The following OTC variants were observed in gnomAD, a reference collection of about 807,000 sequenced individuals.
The protein encoded by OTC is ornithine transcarbamylase.
In OTC, 3 loss-of-function variants were observed where a neutral mutation model predicts 30.3. That is an observed-to-expected ratio of 0.10 (90% CI 0.05 to 0.26). OTC has a LOEUF of 0.26. Ranked by LOEUF, OTC falls within the 10% of genes least tolerant of loss-of-function variation. The probability of loss-of-function intolerance (pLI) is 1.00; values close to 1 mark genes in which losing one functional copy is unlikely to be tolerated. For synonymous variants in OTC, 111 were observed against 99.7 expected (o/e 1.11, Z -0.67); for missense variants, 194 against 260.3 (o/e 0.75, Z 1.75).
chrX:38,329,164 C>G, the OTC span, among the ~76,000 whole-genome samples: 1 of 111,645 alleles, frequency 9.0e-6, no homozygotes, highest in African/African-American at 3.3e-5. Context: ...CAGCCCTACT[C>G]CAAGGTTTCC....
chrX:38,411,364 G>GA (rs368378566), intron 8 of OTC, among the ~76,000 whole-genome samples: 177 of 56,499 alleles, frequency 3.1e-3, no homozygotes, highest in South Asian at 0.011. Context: ...AATTTAAAAA[G>GA]AAAAAAAAAA....
chrX:38,333,215 CAAAAAA>C, the OTC span, among the ~76,000 whole-genome samples: 27 of 47,179 alleles, frequency 5.7e-4, 1 homozygote, highest in South Asian at 0.032. Flanking sequence ...AACTCTGTCT[CAAAAAA>C]AAAAAAAAAA....
At chrX:38,391,535 GA>G (rs924786810) in intron 4 of OTC, among the ~76,000 whole-genome samples, 4 of 111,643 alleles carry the variant, frequency 3.6e-5, no homozygotes, top group African/African-American at 1.3e-4. Context: ...GTCTTGCTAT[GA>G]TTCTTCTCAT....
intron 4 of OTC, among the ~76,000 whole-genome samples, chrX:38,398,130 A>ACTCTCTTT (rs1479387514): frequency 8.9e-5 from 10 of 111,735 alleles, no homozygotes; most frequent in Non-Finnish European, 1.7e-4. Flanking sequence ...GGACTTGCTA[A>ACTCTCTTT]AGAGAGAAAA....
At chrX:38,392,840 A>G (rs2068435569) in intron 4 of OTC, among the ~76,000 whole-genome samples, 1 of 112,011 alleles carries the variant, frequency 8.9e-6, no homozygotes, top group South Asian at 3.7e-4. Flanking sequence ...TTTAACCTCC[A>G]AGGGGCTTTT....
At chrX:38,384,491 C>G (rs2068392287) in intron 4 of OTC, among the ~76,000 whole-genome samples, 2 of 112,343 alleles carry the variant, frequency 1.8e-5, no homozygotes, top group Admixed American at 1.9e-4. Context: ...TCCACAGATG[C>G]AATTGAATAG....
chrX:38,420,947 A>G, intron 9 of OTC, 76 bp from the exon 10 acceptor site: 121 of 693,108 alleles, frequency 1.7e-4, no homozygotes, highest in Non-Finnish European at 2.7e-4. Flanking sequence ...CTGAAACCTA[A>G]TTCACCTTCT....
chrX:38,369,898 A>G (rs776886047), intron 3 of OTC, 21 bp downstream of exon 3: 15 of 1,074,369 alleles, frequency 1.4e-5, no homozygotes, highest in Non-Finnish European at 1.7e-5. Flanking sequence ...TGCCAAATTC[A>G]CACTTGTGTT....
chrX:38,355,878 A>G (rs1046586615), intron 1 of OTC, among the ~76,000 whole-genome samples: 1 of 110,838 alleles, frequency 9.0e-6, no homozygotes. Context: ...CCCTGTTAAA[A>G]ATACAAAAAA....
chrX:38,388,449 T>A lies in OTC; in HGVS notation c.386+7020T>A, dbSNP rs376012507. On this transcript the variant is annotated intron_variant, in intron 4 of 9. Coordinates refer to ENST00000039007, the MANE Select transcript of OTC (RefSeq NM_000531.6). The stretch of plus-strand genomic sequence containing the variant: ...TATGAACTGGATATTCTTTTTTTTT[T>A]TTTCCTTGTTCTGGGCTTGTCCTTT... Among the ~76,000 whole-genome samples, 537 of 110,262 alleles carry A rather than the reference T, an allele frequency of 4.9e-3. 5 individuals are homozygous for A. The highest frequency in any genetic ancestry group is 0.017 in the African/African-American group (511 of 30,415).
At chrX:38,382,159 T>C (rs2068380041) in intron 4 of OTC, among the ~76,000 whole-genome samples, 1 of 111,636 alleles carries the variant, frequency 9.0e-6, no homozygotes, top group Admixed American at 9.5e-5. Context: ...AGGGAAGCAG[T>C]ACAAACAATT....
chrX:38,370,786 A>G (rs1047161817), intron 3 of OTC, among the ~76,000 whole-genome samples: 1 of 110,972 alleles, frequency 9.0e-6, no homozygotes, highest in Non-Finnish European at 1.9e-5. Context: ...CTCACCCTTC[A>G]AAGTGTCTGT....
the OTC span, among the ~76,000 whole-genome samples, chrX:38,330,788 C>T: frequency 1.1e-4 from 12 of 111,906 alleles, no homozygotes; most frequent in East Asian, 3.4e-3. Flanking sequence ...GAGCCCTCTC[C>T]AAATTTGCAA....
chrX:38,348,351 C>G (rs749095422), upstream of OTC, among the ~76,000 whole-genome samples: 84 of 111,412 alleles, frequency 7.5e-4, 1 homozygote, highest in African/African-American at 2.2e-3. Flanking sequence ...TGCCCCAGCT[C>G]CAAAACTTTA....
At chrX:38,347,139 A>C in the OTC span, among the ~76,000 whole-genome samples, 1 of 112,127 alleles carries the variant, frequency 8.9e-6, no homozygotes, top group African/African-American at 3.2e-5. Context: ...ATAAGAAACA[A>C]ACCTTCAAAC....
chrX:38,333,659 A>G, the OTC span, among the ~76,000 whole-genome samples: 1 of 112,054 alleles, frequency 8.9e-6, no homozygotes, highest in African/African-American at 3.2e-5. Flanking sequence ...AAATAGAGGC[A>G]TGTATGAACA....
chrX:38,344,164 A>G, the OTC span, among the ~76,000 whole-genome samples: 1 of 110,009 alleles, frequency 9.1e-6, no homozygotes, highest in Non-Finnish European at 1.9e-5. Flanking sequence ...AAACAAACAA[A>G]AAACATAAAA....
At chrX:38,386,386 A>T (rs190023491) in intron 4 of OTC, among the ~76,000 whole-genome samples, 15,957 of 88,653 alleles carry the variant, frequency 0.18, 1,459 homozygotes, top group Non-Finnish European at 0.22. Context: ...AAAAAAAAAA[A>T]ATATATATAT....
rs753723228 is a variant in OTC at position 38,367,444 on chromosome X, C to A, written c.216+15C>A. ...AGAAAGGAGAGGTATGTAACATTTT[C>A]TTTTTACGTTCCATTACTACCAGTC... On this transcript the variant is annotated intron_variant, in intron 2 of 9. Coordinates refer to ENST00000039007, the MANE Select transcript of OTC (RefSeq NM_000531.6). The A allele has an allele frequency of 1.4e-5, 17 of 1,188,013 alleles. No homozygotes were observed. Among genetic ancestry groups the A allele is most frequent in the Non-Finnish European group, 1.9e-5 (17 of 876,950 alleles).
Sources: allele counts gnomAD v4.1 joint callset (sites outside exome capture counted in the v4.1 genomes callset), GRCh38; gene constraint gnomAD v4.1.1; transcripts MANE v1.5; gene names NCBI Gene and HGNC (gene_info 2026-07-23, HGNC 2026-07-21).